The following ARFGEF3 variants were observed in gnomAD, a reference collection of about 807,000 sequenced individuals.
ARFGEF3 encodes brefeldin A-inhibited guanine nucleotide-exchange protein 3.
Under a neutral mutation model 221.7 loss-of-function variants are expected in ARFGEF3, and 96 were observed. That is an observed-to-expected ratio of 0.43 (90% CI 0.37 to 0.51). ARFGEF3 has a LOEUF of 0.51. ARFGEF3 is among the 20% of genes least tolerant of loss of function. The pLI is 0.00. For synonymous variants in ARFGEF3, 1,145 were observed against 1,126.8 expected, an observed-to-expected ratio of 1.02 and a Z score of -0.32; for missense variants, 2,410 against 2,789.9, an observed-to-expected ratio of 0.86 and a Z score of 3.07.
intron 19 of ARFGEF3, among the ~76,000 whole-genome samples, chr6:138,292,321 C>A (rs1041706418): frequency 2.0e-5 from 3 of 151,800 alleles, no homozygotes; most frequent in Non-Finnish European, 4.4e-5. Flanking sequence ...TCCCTGGGCC[C>A]TGCCTGGCTT....
Position 138,336,343 on chromosome 6 carries a change from C to T in ARFGEF3, c.6391C>T (p.Pro2131Ser). The T allele has an allele frequency of 6.2e-7, 1 of 1,609,404 alleles. No homozygotes were observed. Among genetic ancestry groups the T allele is most frequent in the Non-Finnish European group, 8.5e-7 (1 of 1,178,018 alleles). The change falls in exon 34 of 34, where the codon CCA becomes TCA. Residue 2131 changes from proline to serine, a missense_variant. Pro to Ser is a moderately conservative substitution (Grantham distance 74). This residue lies in a region of ARFGEF3 where 339 missense variants were observed against 334.9 expected (regional missense o/e 1.01). Coordinates refer to ENST00000251691, the MANE Select transcript of ARFGEF3 (RefSeq NM_020340.5). ...AGTTCTCAATCAGATTCAGATTCTC[C>T]CAGACCAGACCTTCACGGCCCTCCA... Reference protein sequence around the residue: ...LTVLNQIQILPDQTFTALQPA... With the variant: ...LTVLNQIQILSDQTFTALQPA...
intron 17 of ARFGEF3, 37 bp from the exon 18 acceptor site, chr6:138,289,781 T>A (rs1181739110): frequency 1.3e-6 from 2 of 1,595,642 alleles, no homozygotes; most frequent in African/African-American, 2.7e-5. Context: ...TCTCCCTTAC[T>A]CAACCTGTTA....
chr6:138,321,118 G>A lies in ARFGEF3; in HGVS notation c.4659G>A (p.Arg1553=). 1 of 1,552,292 alleles carries A rather than the reference G, an allele frequency of 6.4e-7. No homozygotes were observed. The highest frequency in any genetic ancestry group is 1.2e-5 in the South Asian group (1 of 84,180). Reference sequence around the variant, plus strand: ...TTTTGCTGTTTCCCATAGATATCAGGTACGAGAGCATGATCAATACCATGC... The same window carrying A: ...TTTTGCTGTTTCCCATAGATATCAGATACGAGAGCATGATCAATACCATGC... ...HIQSFLHSDI[R]YESMINTMLK... Residue 1553 remains arginine (R), a synonymous_variant, in exon 29 of 34, where the codon AGG becomes AGA. Transcript: ENST00000251691.
chr6:138,298,532 G>A, intron 21 of ARFGEF3, 74 bp from the exon 22 acceptor site: 3 of 1,212,832 alleles, frequency 2.5e-6, no homozygotes, highest in Non-Finnish European at 2.3e-6. Flanking sequence ...ATGAGGTGGG[G>A]TAGGAAAGCC....
chr6:138,231,614 C>T (rs1254619228), intron 5 of ARFGEF3, among the ~76,000 whole-genome samples: 2 of 152,130 alleles, frequency 1.3e-5, no homozygotes, highest in East Asian at 3.8e-4. Context: ...TTGCCATTGC[C>T]ACGTTTGAAA....
intron 22 of ARFGEF3, among the ~76,000 whole-genome samples, chr6:138,300,695 C>T (rs914051803): frequency 2.0e-4 from 31 of 152,282 alleles, no homozygotes; most frequent in Admixed American, 6.5e-4. Flanking sequence ...TAATAAAAGA[C>T]GGGGAAGCTC....
At chr6:138,271,628 C>T (rs762760985) in intron 12 of ARFGEF3, among the ~76,000 whole-genome samples, 22 of 152,280 alleles carry the variant, frequency 1.4e-4, no homozygotes, top group Middle Eastern at 6.8e-3. Context: ...AGCTAGGAAG[C>T]GGTGATACCA....
In ARFGEF3 at chr6:138,344,279, C is replaced by T. The variant is rs1780478663; in HGVS notation, c.*7793C>T. ...TTACCTATAAAATGCAAAATTCATC[C>T]TTGCAACCCCATTCACCAGGAGCCT... On this transcript the variant is annotated 3_prime_UTR_variant, in exon 34 of 34. Coordinates refer to ENST00000251691, the MANE Select transcript of ARFGEF3 (RefSeq NM_020340.5). The T allele has an allele frequency of 6.6e-6, 1 of 152,084 alleles. No homozygotes were observed. Among genetic ancestry groups the T allele is most frequent in the South Asian group, 2.1e-4 (1 of 4,820 alleles). 9.4% of individuals were successfully genotyped at this position (152,084 alleles called of 1,614,324 possible). A position where few individuals can be genotyped will look rare whatever the true frequency, so the allele number is the denominator to read the frequency against.
In ARFGEF3 at chr6:138,194,708, G is replaced by T. The variant is rs559598739; in HGVS notation, c.138-12334G>T. ...CCTCACTTCAGTCAAGAAGGCTTTA[G>T]GGAGAGGAAACAATTCAGGAAATGT... On this transcript the variant is annotated intron_variant, in intron 2 of 33. Coordinates refer to ENST00000251691, the MANE Select transcript of ARFGEF3 (RefSeq NM_020340.5). Among the ~76,000 whole-genome samples, 5 of 152,290 alleles carry T rather than the reference G, an allele frequency of 3.3e-5. No homozygotes were observed. The South Asian group carries it at 1.0e-3, about 32-fold the overall frequency.
intron 5 of ARFGEF3, among the ~76,000 whole-genome samples, chr6:138,236,728 C>G (rs1778295471): frequency 6.6e-6 from 1 of 152,190 alleles, no homozygotes; most frequent in African/African-American, 2.4e-5. Flanking sequence ...CTCAGCCTCC[C>G]AAAGTGCTAG....
chr6:138,249,175 G>A (rs1031016400), intron 8 of ARFGEF3, among the ~76,000 whole-genome samples: 11 of 152,196 alleles, frequency 7.2e-5, no homozygotes, highest in Non-Finnish European at 1.3e-4. Flanking sequence ...AAATTTGACT[G>A]TAGATTGTTA....
chr6:138,317,968 G>T (rs1562214091), intron 27 of ARFGEF3, among the ~76,000 whole-genome samples: 1 of 152,068 alleles, frequency 6.6e-6, no homozygotes, highest in Non-Finnish European at 1.5e-5. Flanking sequence ...ATCAATTTTA[G>T]TATATACATT....
chr6:138,204,452 G>A (rs146363096), intron 2 of ARFGEF3, among the ~76,000 whole-genome samples: 58 of 152,118 alleles, frequency 3.8e-4, no homozygotes, highest in African/African-American at 1.2e-3. Flanking sequence ...CAGCCTGTAG[G>A]TCAAATCTGG....
intron 10 of ARFGEF3, among the ~76,000 whole-genome samples, chr6:138,258,041 G>A (rs1234295254): frequency 6.6e-6 from 1 of 152,134 alleles, no homozygotes; most frequent in East Asian, 1.9e-4. Flanking sequence ...CTGGATTTAT[G>A]TCCATAAATC....
At chr6:138,243,192 G>A (rs1313793800) in intron 7 of ARFGEF3, among the ~76,000 whole-genome samples, 198 bp downstream of exon 7, 1 of 152,104 alleles carries the variant, frequency 6.6e-6, no homozygotes, top group Non-Finnish European at 1.5e-5. Context: ...GTTCACTTAT[G>A]CCAACCACAC....
chr6:138,207,637 A>C (rs142208842), intron 3 of ARFGEF3, among the ~76,000 whole-genome samples: 1 of 152,256 alleles, frequency 6.6e-6, no homozygotes, highest in African/African-American at 2.4e-5. Context: ...GATTTGCTTG[A>C]ATACATTTTT....
chr6:138,336,388 A>G lies in ARFGEF3; in HGVS notation c.6436A>G (p.Ile2146Val). Residue 2146 changes from isoleucine to valine, a missense_variant, in exon 34 of 34, where the codon ATC becomes GTC. Physicochemically the swap from Ile to Val is conservative, Grantham distance 29 (BLOSUM62 3). Around this residue, in one of 5 missense-constraint regions of ARFGEF3, gnomAD observed 339 missense variants for 334.9 expected, o/e 1.01. Transcript: ENST00000251691. ...TALQPAVFPC[I>V]SQLTCHVTDI... ...CCTCCAGCCCGCAGTGTTCCCGTGC[A>G]TCAGTCAGCTGACCTGTCACGTGAC... is the stretch of plus-strand genomic sequence containing the variant. 1.9e-6 allele frequency: 3 copies of G among 1,613,476 alleles called. No homozygotes were observed. Among genetic ancestry groups the G allele is most frequent in the Non-Finnish European group, 2.5e-6 (3 of 1,179,696 alleles).
chr6:138,274,806 A>AT (rs1434597669), intron 12 of ARFGEF3, among the ~76,000 whole-genome samples: 1 of 142,738 alleles, frequency 7.0e-6, no homozygotes, highest in Non-Finnish European at 1.5e-5. Context: ...AAAAAAAAAA[A>AT]AAAAAATGCA....
Position 138,253,747 on chromosome 6 carries a change from A to T in ARFGEF3, c.666-133A>T, listed in dbSNP as rs192190756. ...TGGGGAGAGAGACACAGTTCAACCC[A>T]TAACACTAACCGTCCCCCTAAAACT... is the stretch of plus-strand genomic sequence containing the variant. On this transcript the variant is annotated intron_variant, in intron 8 of 33. Transcript: ENST00000251691. The T allele has an allele frequency of 1.1e-3, 805 of 723,956 alleles. 2 individuals carry two copies. The highest frequency in any genetic ancestry group is 1.7e-3 in the Non-Finnish European group (704 of 418,026). The allele number at this position is 723,956 out of a possible 1,614,324, so 44.8% of individuals were successfully genotyped here. A position where few individuals can be genotyped will look rare whatever the true frequency, so the allele number is the denominator to read the frequency against.
Sources: allele counts gnomAD v4.1 joint callset (sites outside exome capture counted in the v4.1 genomes callset), GRCh38; gene constraint gnomAD v4.1.1; regional missense constraint gnomAD v4.1.1; transcripts MANE v1.5; gene names NCBI Gene and HGNC (gene_info 2026-07-23, HGNC 2026-07-21).